The following SHISA6 variants were observed in gnomAD, a reference collection of about 807,000 sequenced individuals.
The protein encoded by SHISA6 is protein shisa-6.
In SHISA6, 22 loss-of-function variants were observed where a neutral mutation model predicts 47.9. The observed-to-expected ratio is 0.46, with a 90% CI of 0.33 to 0.66. SHISA6 has a LOEUF of 0.66. SHISA6 is among the 30% of genes least tolerant of loss of function. The pLI, the probability that SHISA6 is intolerant of heterozygous loss-of-function variation, is 0.02. For synonymous variants in SHISA6, 388 were observed against 337.8 expected, an observed-to-expected ratio of 1.15 and a Z score of -1.63; for missense variants, 680 against 764.6, an observed-to-expected ratio of 0.89 and a Z score of 1.30.
chr17:11,407,076 G>C (rs1234336806), intron 3 of SHISA6, among the ~76,000 whole-genome samples: 1 of 152,098 alleles, frequency 6.6e-6, no homozygotes, highest in East Asian at 1.9e-4. Context: ...CACAGTATTT[G>C]GACATAAATA....
intron 3 of SHISA6, among the ~76,000 whole-genome samples, chr17:11,407,840 T>A (rs1449939664): frequency 6.6e-6 from 1 of 152,178 alleles, no homozygotes; most frequent in East Asian, 1.9e-4. Context: ...TGAGGAAAAT[T>A]AGAGAGCTCC....
chr17:11,315,324 A>G (rs1299718383), intron 2 of SHISA6, among the ~76,000 whole-genome samples: 1 of 152,092 alleles, frequency 6.6e-6, no homozygotes, highest in Non-Finnish European at 1.5e-5. Flanking sequence ...CCTAGTTTTA[A>G]TAGTGGTTCA....
At chr17:11,450,001 C>T (rs1177041627) in intron 3 of SHISA6, among the ~76,000 whole-genome samples, 2 of 152,210 alleles carry the variant, frequency 1.3e-5, no homozygotes, top group Non-Finnish European at 2.9e-5. Context: ...TCTCCTGCGT[C>T]AGCCTCCCAA....
At position 11,344,200 on chromosome 17, in the gene SHISA6, G is replaced by C. The variant is rs142430760; in HGVS notation, c.800-35214G>C. On this transcript the variant is annotated intron_variant, in intron 2 of 5. Coordinates refer to ENST00000441885, the MANE Select transcript of SHISA6 (RefSeq NM_207386.4). ...GTCATTTGATTTTTGAGTTGAAAGA[G>C]ATTTTATGTAATCTGGATACAAGTC... Among the ~76,000 whole-genome samples the C allele has an allele frequency of 8.2e-3, 1,254 of 152,236 alleles. 12 individuals carry two copies. The highest frequency in any genetic ancestry group is 0.024 in the African/African-American group (985 of 41,538).
intron 2 of SHISA6, among the ~76,000 whole-genome samples, chr17:11,278,188 G>A (rs1908991534): frequency 6.6e-6 from 1 of 152,164 alleles, no homozygotes; most frequent in Non-Finnish European, 1.5e-5. Context: ...CTTAGAATGG[G>A]GAGGGTCACT....
intron 3 of SHISA6, among the ~76,000 whole-genome samples, chr17:11,385,435 A>G (rs2142250011): frequency 6.6e-6 from 1 of 152,098 alleles, no homozygotes; most frequent in African/African-American, 2.4e-5. Flanking sequence ...CACTCTGGGG[A>G]AATGAGAAAA....
intron 2 of SHISA6, among the ~76,000 whole-genome samples, chr17:11,335,772 G>T (rs1353323942): frequency 6.6e-6 from 1 of 152,164 alleles, no homozygotes; most frequent in East Asian, 1.9e-4. Flanking sequence ...CTCATTGGCC[G>T]GGTGACCTTG....
chr17:11,409,240 T>C (rs1914045775), intron 3 of SHISA6, among the ~76,000 whole-genome samples: 2 of 152,200 alleles, frequency 1.3e-5, no homozygotes, highest in South Asian at 2.1e-4. Context: ...AGTAACTAAC[T>C]TGACTTTCCA....
chr17:11,378,941 AG>A (rs975354677), intron 2 of SHISA6, among the ~76,000 whole-genome samples: 1 of 152,096 alleles, frequency 6.6e-6, no homozygotes. Flanking sequence ...GGTGAGATAA[AG>A]GAAAGAGTGG....
At chr17:11,334,899 C>A (rs1286619412) in intron 2 of SHISA6, among the ~76,000 whole-genome samples, 1 of 152,182 alleles carries the variant, frequency 6.6e-6, no homozygotes, top group Non-Finnish European at 1.5e-5. Context: ...CCACCCATTC[C>A]CATCCCCGTG....
chr17:11,241,500 C>A lies in SHISA6; in HGVS notation c.78C>A (p.Ala26=). 1 of 1,160,570 alleles carries A rather than the reference C, an allele frequency of 8.6e-7. No individual in the cohort carries two copies. Among genetic ancestry groups the A allele is most frequent in the Non-Finnish European group, 1.1e-6 (1 of 934,004 alleles). The allele number at this position is 1,160,570 out of a possible 1,614,324, so 71.9% of individuals were successfully genotyped here. ...ACCTGCTGCCCAGCGTCCACGGAGC[C>A]CGCGGCCGCGCCGCCAACCGGACCC... is the stretch of plus-strand genomic sequence containing the variant. ...SLDLLPSVHG[A]RGRAANRTLS... is the part of the protein sequence containing the mutation. The change falls in exon 1 of 6, where the codon GCC becomes GCA. Residue 26 remains alanine, a synonymous_variant. Transcript: ENST00000441885. The surrounding 1 kb of genome is among the most constrained non-coding windows in gnomAD (Gnocchi z 5.5).
intron 3 of SHISA6, among the ~76,000 whole-genome samples, chr17:11,545,861 GCT>G (rs1310460990): frequency 6.6e-6 from 1 of 152,212 alleles, no homozygotes; most frequent in Admixed American, 6.5e-5. Context: ...CAACTTGGCA[GCT>G]GGAATCTAAG....
Position 11,508,614 on chromosome 17 carries a change from C to A in SHISA6, c.896-43282C>A, listed in dbSNP as rs186371174. Among the ~76,000 whole-genome samples the A allele has an allele frequency of 3.5e-3, 433 of 123,830 alleles. 64 individuals carry two copies. The highest frequency in any genetic ancestry group is 0.012 in the African/African-American group (410 of 33,078). The allele number at this position is 123,830 out of a possible 152,430, so 81.2% of individuals were successfully genotyped here. ...CCCTGCCAGTGCTCCCAGGTCATTTCTCCTTGGGGGTGCCCACAGGTGGGT... is the reference window on the plus strand; with the variant it reads ...CCCTGCCAGTGCTCCCAGGTCATTTATCCTTGGGGGTGCCCACAGGTGGGT... On this transcript the variant is annotated intron_variant, in intron 3 of 5. Coordinates refer to ENST00000441885, the MANE Select transcript of SHISA6 (RefSeq NM_207386.4).
chr17:11,366,605 G>T (rs1912459521), intron 2 of SHISA6, among the ~76,000 whole-genome samples: 1 of 152,220 alleles, frequency 6.6e-6, no homozygotes, highest in Admixed American at 6.5e-5. Context: ...CAGTCCTCCT[G>T]CTGTAGCAGG....
intron 2 of SHISA6, among the ~76,000 whole-genome samples, chr17:11,350,927 T>C (rs1911869296): frequency 6.6e-6 from 1 of 151,974 alleles, no homozygotes. Flanking sequence ...ATAAAGAAAA[T>C]GTGGCACATA....
intron 2 of SHISA6, among the ~76,000 whole-genome samples, chr17:11,378,351 G>T (rs1399680077): frequency 6.6e-6 from 1 of 151,976 alleles, no homozygotes; most frequent in Non-Finnish European, 1.5e-5. Flanking sequence ...GTGTGTGCGC[G>T]CACATGCACG....
chr17:11,305,824 G>A (rs774854526), intron 2 of SHISA6, among the ~76,000 whole-genome samples: 1 of 152,170 alleles, frequency 6.6e-6, no homozygotes, highest in Non-Finnish European at 1.5e-5. Context: ...CGGAGCGGAG[G>A]CCAACAGCTA....
chr17:11,327,559 G>A lies in SHISA6; in HGVS notation c.800-51855G>A, dbSNP rs1050799289. 2.0e-5 allele frequency among the ~76,000 whole-genome samples: 3 copies of A among 152,224 alleles called. 1 individual carries two copies. Among genetic ancestry groups the A allele is most frequent in the Non-Finnish European group, 4.4e-5 (3 of 68,044 alleles). On this transcript the variant is annotated intron_variant, in intron 2 of 5. Transcript: ENST00000441885. ...TACTGAAGGACCCAGCACTTTGGGA[G>A]GCCAAGGCGGGTGGATCACTTGAGG...
At chr17:11,359,637 G>A (rs1183733332) in intron 2 of SHISA6, among the ~76,000 whole-genome samples, 1 of 152,136 alleles carries the variant, frequency 6.6e-6, no homozygotes, top group Non-Finnish European at 1.5e-5. Flanking sequence ...CAAATACTCT[G>A]ACAAGAGTAT....
Sources: allele counts gnomAD v4.1 joint callset (sites outside exome capture counted in the v4.1 genomes callset), GRCh38; gene constraint gnomAD v4.1.1; non-coding constraint Gnocchi (gnomAD v3.1); transcripts MANE v1.5; gene names NCBI Gene and HGNC (gene_info 2026-07-23, HGNC 2026-07-21).